The following FGF18 variants were observed in gnomAD, a reference collection of about 807,000 sequenced individuals.
The protein encoded by FGF18 is fibroblast growth factor 18.
A neutral mutation model predicts 23.0 loss-of-function variants in FGF18; 5 were observed. The ratio of observed to expected loss-of-function variants is 0.22; its 90% CI spans 0.11 to 0.46. The LOEUF (loss-of-function observed/expected upper bound fraction) is 0.46, where lower values mean the gene tolerates loss of function less well. Among genes scored for constraint, FGF18 ranks in the 20% least tolerant of loss-of-function variants. The pLI, the probability that FGF18 is intolerant of heterozygous loss-of-function variation, is 0.99. For synonymous variants in FGF18, 117 were observed against 118.9 expected, an observed-to-expected ratio of 0.98 and a Z score of 0.10; for missense variants, 180 against 291.6, an observed-to-expected ratio of 0.62 and a Z score of 2.79.
intron 2 of FGF18, among the ~76,000 whole-genome samples, chr5:171,422,770 C>T (rs1355206598): frequency 1.3e-5 from 2 of 152,094 alleles, no homozygotes; most frequent in Non-Finnish European, 2.9e-5. Flanking sequence ...TAGGGTGAGC[C>T]GGGGCCAGGG....
In FGF18 at chr5:171,436,086, T is replaced by C; in HGVS notation, c.70-7T>C. 3 of 1,537,536 alleles carry C rather than the reference T, an allele frequency of 2.0e-6. No individual in the cohort carries two copies. The highest frequency in any genetic ancestry group is 1.7e-4 in the Middle Eastern group (1 of 5,728). On this transcript the variant is annotated splice_polypyrimidine_tract_variant and splice_region_variant and intron_variant, in intron 2 of 4. Coordinates refer to ENST00000274625, the MANE Select transcript of FGF18 (RefSeq NM_003862.3). This position sits in a 1 kb window ranked among gnomAD's most constrained non-coding sequence, Gnocchi z 4.4. The stretch of plus-strand genomic sequence containing the variant: ...GGGTGGCTTACTGTGTCCTTTTCCC[T>C]GCCCAGGTGCTGGTTGCCGAGGAGA...
chr5:171,425,176 C>T (rs1343835393), intron 2 of FGF18, among the ~76,000 whole-genome samples: 1 of 152,186 alleles, frequency 6.6e-6, no homozygotes, highest in Non-Finnish European at 1.5e-5. Flanking sequence ...TCACATCAAG[C>T]CATCAAAAAC....
In FGF18 at chr5:171,457,001, G is replaced by C. The variant is rs973758768; in HGVS notation, c.*196G>C. 5 of 667,378 alleles carry C rather than the reference G, an allele frequency of 7.5e-6. No homozygotes were observed. The highest frequency in any genetic ancestry group is 1.2e-5 in the Non-Finnish European group (5 of 407,262). 41.3% of individuals were successfully genotyped at this position (667,378 alleles called of 1,614,324 possible). On this transcript the variant is annotated 3_prime_UTR_variant, in exon 5 of 5. Transcript: ENST00000274625. ...ATTTTATTGTTGACTTGAAACCCCC[G>C]ATGACAAAAGACTCACGCAAAGGGA...
chr5:171,450,677 C>A (rs552948248), intron 4 of FGF18, among the ~76,000 whole-genome samples: 165 of 152,298 alleles, frequency 1.1e-3, no homozygotes, highest in African/African-American at 3.8e-3. Flanking sequence ...ATTAGTGATT[C>A]ACTTTCCGCC....
chr5:171,435,977 C>G, intron 2 of FGF18, 116 bp from the exon 3 acceptor site: 1 of 800,984 alleles, frequency 1.2e-6, no homozygotes, highest in Non-Finnish European at 1.8e-6. Context: ...GTGCCACGGC[C>G]TGGCTCAGAG....
chr5:171,423,036 G>A (rs1026544976), intron 2 of FGF18, among the ~76,000 whole-genome samples: 67 of 152,354 alleles, frequency 4.4e-4, no homozygotes, highest in African/African-American at 1.5e-3. Flanking sequence ...TCCCCTCGCA[G>A]TGTTTTCCAG....
In FGF18 at chr5:171,456,476, T is replaced by G; in HGVS notation, c.358-63T>G. The G allele has an allele frequency of 6.5e-7, 1 of 1,540,584 alleles. No homozygotes were observed. The highest frequency in any genetic ancestry group is 8.8e-7 in the Non-Finnish European group (1 of 1,131,918). ...TGGTCCTGAATAAAACCTTCCTCGC[T>G]GTGCTTTGGCAAGCATAACTGAGTC... On this transcript the variant is annotated intron_variant, in intron 4 of 4. Coordinates refer to ENST00000274625, the MANE Select transcript of FGF18 (RefSeq NM_003862.3). The surrounding 1 kb of genome is among the most constrained non-coding windows in gnomAD (Gnocchi z 6.1).
intron 2 of FGF18, among the ~76,000 whole-genome samples, chr5:171,423,636 CT>C (rs1772052868): frequency 6.6e-6 from 1 of 152,170 alleles, no homozygotes; most frequent in Admixed American, 6.5e-5. Flanking sequence ...TCCACGCCCC[CT>C]CTCGGCCTGA....
intron 3 of FGF18, among the ~76,000 whole-genome samples, chr5:171,443,189 G>C (rs1445564619): frequency 3.3e-5 from 5 of 151,886 alleles, no homozygotes; most frequent in Admixed American, 3.3e-4. Context: ...GAGTGCAGTG[G>C]TGCAATCTCG....
rs114835712 is a variant in FGF18 at position 171,454,400 on chromosome 5, C to A, written c.358-2139C>A. ...AGCTTCCAGAATTTTCCATGGGGTA[C>A]CCAGAGCCCAGGGACCACTCCTCTC... On this transcript the variant is annotated intron_variant, in intron 4 of 4. Coordinates refer to ENST00000274625, the MANE Select transcript of FGF18 (RefSeq NM_003862.3). Among the ~76,000 whole-genome samples the A allele has an allele frequency of 5.6e-3, 854 of 152,196 alleles. 8 individuals are homozygous for A. Among genetic ancestry groups the A allele is most frequent in the African/African-American group, 0.019 (783 of 41,512 alleles).
rs1434425094 is a variant in FGF18, at chr5:171,440,229, G to GGC, written c.250+3957_250+3958insCG. Among the ~76,000 whole-genome samples the GGC allele has an allele frequency of 6.6e-6, 1 of 152,040 alleles. No individual in the cohort carries two copies. The highest frequency in any genetic ancestry group is 1.5e-5 in the Non-Finnish European group (1 of 67,980). On this transcript the variant is annotated intron_variant, in intron 3 of 4. Transcript: ENST00000274625. This position sits in a 1 kb window ranked among gnomAD's most constrained non-coding sequence, Gnocchi z 4.0. ...GACCTCCTTACTATGGGTGTGTGGGGGGGGGTGGTGCCATCGCGGGCTCAG... is the reference window on the plus strand; with the variant it reads ...GACCTCCTTACTATGGGTGTGTGGGGGCGGGGGTGGTGCCATCGCGGGCTCAG...
intron 3 of FGF18, among the ~76,000 whole-genome samples, chr5:171,438,859 T>G (rs1398668043): frequency 4.6e-5 from 7 of 152,104 alleles, no homozygotes; most frequent in African/African-American, 1.7e-4. Context: ...AGGATGGGCC[T>G]GCTCTGCTGA....
chr5:171,449,684 AG>A (rs1164788861), intron 4 of FGF18, among the ~76,000 whole-genome samples: 1 of 152,152 alleles, frequency 6.6e-6, no homozygotes, highest in East Asian at 1.9e-4. Flanking sequence ...AACAATTGCC[AG>A]GGGCTTACCG....
intron 2 of FGF18, among the ~76,000 whole-genome samples, chr5:171,428,930 C>T (rs906558664): frequency 6.6e-6 from 1 of 152,186 alleles, no homozygotes; most frequent in Non-Finnish European, 1.5e-5. Context: ...GGCCGACCCT[C>T]GGGCCCAACC....
At chr5:171,426,065 G>A (rs770617585) in intron 2 of FGF18, among the ~76,000 whole-genome samples, 4 of 152,168 alleles carry the variant, frequency 2.6e-5, no homozygotes, top group Middle Eastern at 3.4e-3. Flanking sequence ...GTGTGACCTC[G>A]GGCAAGTTAC....
Position 171,420,175 on chromosome 5 carries a change from G to A in FGF18, c.-25G>A, listed in dbSNP as rs1289997016. On this transcript the variant is annotated 5_prime_UTR_variant, in exon 1 of 5. Coordinates refer to ENST00000274625, the MANE Select transcript of FGF18 (RefSeq NM_003862.3). ...CGGACATGTGCAGGCTGGGCTAGGAGCCGCCGCCTCCCTCCCGCCCAGCGA... is the reference window on the plus strand; with the variant it reads ...CGGACATGTGCAGGCTGGGCTAGGAACCGCCGCCTCCCTCCCGCCCAGCGA... 3 of 1,536,320 alleles carry A rather than the reference G, an allele frequency of 2.0e-6. No individual in the cohort carries two copies. The highest frequency in any genetic ancestry group is 1.2e-5 in the South Asian group (1 of 83,696).
chr5:171,443,107 G>C (rs1772367933), intron 3 of FGF18, among the ~76,000 whole-genome samples: 1 of 151,686 alleles, frequency 6.6e-6, no homozygotes, highest in African/African-American at 2.4e-5. Context: ...TGTTGTGATG[G>C]TCAAATGAGA....
chr5:171,433,218 C>T (rs1307186671), intron 2 of FGF18, among the ~76,000 whole-genome samples: 1 of 152,200 alleles, frequency 6.6e-6, no homozygotes, highest in African/African-American at 2.4e-5. Flanking sequence ...GGGGAAGTGC[C>T]ACCCGATAGC....
chr5:171,452,141 G>T (rs1050917973), intron 4 of FGF18, among the ~76,000 whole-genome samples: 8 of 152,364 alleles, frequency 5.3e-5, no homozygotes, highest in Middle Eastern at 6.8e-3. Context: ...CAACCCAAGG[G>T]AGTCTAAGCG....
Sources: allele counts gnomAD v4.1 joint callset (sites outside exome capture counted in the v4.1 genomes callset), GRCh38; gene constraint gnomAD v4.1.1; non-coding constraint Gnocchi (gnomAD v3.1); transcripts MANE v1.5; gene names NCBI Gene and HGNC (gene_info 2026-07-23, HGNC 2026-07-21).